Variants in NOX4 observed in about 807,000 individuals in gnomAD.
NOX4 encodes the protein NADPH oxidase 4.
NOX4 carries 69 observed loss-of-function variants against 87.6 expected under a neutral mutation model. The ratio of observed to expected loss-of-function variants is 0.79; its 90% confidence interval spans 0.65 to 0.96. NOX4 has a LOEUF of 0.96. NOX4 is among the 40% of genes least tolerant of loss of function. The pLI is 0.00. For missense variants in NOX4, 680 were observed against 681.5 expected, an observed-to-expected ratio of 1.00 and a Z score of 0.02; for synonymous variants, 275 against 238.2, an observed-to-expected ratio of 1.15 and a Z score of -1.42.
intron 11 of NOX4, among the ~76,000 whole-genome samples, chr11:89,383,456 A>G (rs1313918344): frequency 6.6e-6 from 1 of 152,158 alleles, no homozygotes; most frequent in Admixed American, 6.5e-5. Context: ...GTGACTGAAG[A>G]CTAATGCTGC....
At chr11:89,446,881 T>A (rs1297374555) in intron 4 of NOX4, among the ~76,000 whole-genome samples, 1 of 152,174 alleles carries the variant, frequency 6.6e-6, no homozygotes, top group Non-Finnish European at 1.5e-5. Flanking sequence ...TAGGTTATAA[T>A]GATATGTCAA....
intron 4 of NOX4, among the ~76,000 whole-genome samples, chr11:89,445,967 C>G (rs115918151): frequency 6.6e-6 from 1 of 151,842 alleles, no homozygotes; most frequent in Non-Finnish European, 1.5e-5. Flanking sequence ...AAAGACATAT[C>G]GATAAAGGAT....
At chr11:89,557,015 G>A in the NOX4 span, 1 of 152,128 alleles carries the variant, frequency 6.6e-6, no homozygotes, top group Non-Finnish European at 1.5e-5. Flanking sequence ...TAGCTCTCTA[G>A]AGTTCAAATA....
chr11:89,429,066 C>T (rs180725494), intron 7 of NOX4, among the ~76,000 whole-genome samples: 113 of 152,262 alleles, frequency 7.4e-4, no homozygotes, highest in African/African-American at 2.3e-3. Context: ...CACTCAAAAC[C>T]GCTCAACTGC....
the NOX4 span, among the ~76,000 whole-genome samples, chr11:89,553,113 G>A: frequency 6.6e-6 from 1 of 152,112 alleles, no homozygotes; most frequent in African/African-American, 2.4e-5. Context: ...GTCCTAGTCA[G>A]AATTCCAACA....
Position 89,326,888 on chromosome 11 carries a change from G to A in NOX4, c.1617-12C>T. The A allele has an allele frequency of 6.2e-7, 1 of 1,612,242 alleles. No individual in the cohort carries two copies. The highest frequency in any genetic ancestry group is 8.5e-7 in the Non-Finnish European group (1 of 1,179,062). On this transcript the variant is annotated splice_polypyrimidine_tract_variant and intron_variant, in intron 17 of 17. Transcript: ENST00000263317. ...CACCAACTGTTTTTCTAGAACAAGA[G>A]CAGAGAAAATGGAAAATCAGGTGTA...
Position 89,340,105 on chromosome 11 carries a change from G to A in NOX4, c.1404C>T (p.Ser468=), listed in dbSNP as rs1945913526. 2 of 1,577,246 alleles carry A rather than the reference G, an allele frequency of 1.3e-6. No individual in the cohort carries two copies. The highest frequency in any genetic ancestry group is 1.4e-5 in the African/African-American group (1 of 71,990). Residue 468 remains serine (S), a synonymous_variant, in exon 15 of 18, where the codon TCC becomes TCT. Coordinates refer to ENST00000263317, the MANE Select transcript of NOX4 (RefSeq NM_016931.5). ...AGAGTAAATCTGCAAACCAACGGAA[G>A]GACTGGATATCTCTGCATACCCAAA... The part of the protein sequence containing the change: ...YFIWVCRDIQ[S]FRWFADLLCM...
In NOX4 at chr11:89,325,895, AT is replaced by A. The variant is rs1565159780; in HGVS notation, c.*860del. On this transcript the variant is annotated 3_prime_UTR_variant, in exon 18 of 18. Coordinates refer to ENST00000263317, the MANE Select transcript of NOX4 (RefSeq NM_016931.5). The stretch of plus-strand genomic sequence containing the variant: ...GTTATTAGTATATGTGTATATATAT[AT>A]ATATATATATATATGTGTGTGTGTG... 10 of 133,606 alleles carry A rather than the reference AT, an allele frequency of 7.5e-5. No individual in the cohort carries two copies. The highest frequency in any genetic ancestry group is 5.1e-4 in the Admixed American group (7 of 13,638). 8.3% of individuals were successfully genotyped at this position (133,606 alleles called of 1,614,324 possible).
intron 7 of NOX4, among the ~76,000 whole-genome samples, chr11:89,432,329 C>A (rs1206934625): frequency 6.6e-6 from 1 of 151,242 alleles, no homozygotes; most frequent in Non-Finnish European, 1.5e-5. Context: ...TGCACATGTA[C>A]CCTAGAACTT....
At chr11:89,388,806 T>G (rs189081715) in intron 11 of NOX4, among the ~76,000 whole-genome samples, 1 of 152,128 alleles carries the variant, frequency 6.6e-6, no homozygotes, top group African/African-American at 2.4e-5. Context: ...ATTTAATCCA[T>G]GTCTTTGGTC....
At chr11:89,430,334 G>A (rs1943709336) in intron 7 of NOX4, among the ~76,000 whole-genome samples, 1 of 152,146 alleles carries the variant, frequency 6.6e-6, no homozygotes, top group South Asian at 2.1e-4. Context: ...ATTCAACATA[G>A]TGTTGGAAGT....
At chr11:89,469,373 G>A (rs1410121199) in intron 2 of NOX4, among the ~76,000 whole-genome samples, 1 of 152,084 alleles carries the variant, frequency 6.6e-6, no homozygotes, top group Non-Finnish European at 1.5e-5. Context: ...AAAACTTAAA[G>A]TGATAAAATA....
Position 89,347,768 on chromosome 11 carries a change from T to C in NOX4, c.1218-5575A>G, listed in dbSNP as rs186414682. Among the ~76,000 whole-genome samples, 126 of 152,310 alleles carry C rather than the reference T, an allele frequency of 8.3e-4. 1 individual carries two copies. The highest frequency in any genetic ancestry group is 3.4e-3 in the Middle Eastern group (1 of 294). ...ACACCCTTAGACATCTATCTGATCT[T>C]CCATATTACTATTACCACAGTACAA... is the stretch of plus-strand genomic sequence containing the variant. On this transcript the variant is annotated intron_variant, in intron 13 of 17. Transcript: ENST00000263317.
Position 89,489,754 on chromosome 11 carries a change from A to G in NOX4, c.153+704T>C, listed in dbSNP as rs116535621. ...AAAAAAAAAAAAGAAAGAAAGAAAG[A>G]AAGAAAAAGAAAACGCAATCTCCTT... is the stretch of plus-strand genomic sequence containing the variant. On this transcript the variant is annotated intron_variant, in intron 2 of 17. Transcript: ENST00000263317. 1.7e-3 allele frequency among the ~76,000 whole-genome samples: 262 copies of G among 151,830 alleles called. 2 individuals carry two copies. Among genetic ancestry groups the G allele is most frequent in the African/African-American group, 6.1e-3 (255 of 41,482 alleles).
chr11:89,411,222 G>GT (rs1426596675), intron 8 of NOX4, among the ~76,000 whole-genome samples: 1 of 152,104 alleles, frequency 6.6e-6, no homozygotes, highest in Non-Finnish European at 1.5e-5. Flanking sequence ...ACCAGCAGTG[G>GT]TACCCACGCA....
chr11:89,577,260 A>C, the NOX4 span: 1 of 152,186 alleles, frequency 6.6e-6, no homozygotes, highest in Non-Finnish European at 1.5e-5. Flanking sequence ...TTGATAATCT[A>C]TTCTTATATA....
intron 2 of NOX4, among the ~76,000 whole-genome samples, chr11:89,473,632 A>G (rs1946043274): frequency 6.6e-6 from 1 of 152,100 alleles, no homozygotes; most frequent in Non-Finnish European, 1.5e-5. Context: ...ACTTAAACAT[A>G]TTGTCTATTT....
chr11:89,393,691 CATT>C (rs1172492203), intron 11 of NOX4, among the ~76,000 whole-genome samples: 1 of 152,128 alleles, frequency 6.6e-6, no homozygotes, highest in Non-Finnish European at 1.5e-5. Context: ...GTTTTATACA[CATT>C]ATTTTATAAA....
At chr11:89,474,699 G>T (rs547399023) in intron 2 of NOX4, among the ~76,000 whole-genome samples, 1 of 151,890 alleles carries the variant, frequency 6.6e-6, no homozygotes, top group Admixed American at 6.6e-5. Context: ...AAATGAAAGC[G>T]ATTCAGGTGG....
Sources: allele counts gnomAD v4.1 joint callset (sites outside exome capture counted in the v4.1 genomes callset), GRCh38; gene constraint gnomAD v4.1.1; transcripts MANE v1.5; gene names NCBI Gene and HGNC (gene_info 2026-07-23, HGNC 2026-07-21).